RNF169: variants seen among roughly 807,000 people sequenced by gnomAD.
The protein encoded by RNF169 is E3 ubiquitin-protein ligase RNF169.
A neutral mutation model predicts 53.9 loss-of-function variants in RNF169; 24 were observed. The ratio of observed to expected loss-of-function variants is 0.45; its 90% CI spans 0.32 to 0.63. The LOEUF (loss-of-function observed/expected upper bound fraction) is 0.63, where lower values mean the gene tolerates loss of function less well. Among genes scored for constraint, RNF169 ranks in the 20% least tolerant of loss-of-function variants. RNF169 has a pLI of 0.04. For synonymous variants in RNF169, 396 were observed against 363.5 expected (o/e 1.09, Z -1.02); for missense variants, 883 against 906.2 (o/e 0.97, Z 0.33).
chr11:74,796,108 G>A (rs560365910), intron 2 of RNF169, among the ~76,000 whole-genome samples: 34 of 152,206 alleles, frequency 2.2e-4, no homozygotes, highest in African/African-American at 7.7e-4. Flanking sequence ...TATGTTTTCC[G>A]TGATTTCTTG....
chr11:74,781,622 T>C (rs517939), intron 1 of RNF169, among the ~76,000 whole-genome samples: 27,311 of 152,234 alleles, frequency 0.18, 2,712 homozygotes, highest in South Asian at 0.38. Context: ...ATGAAACTTT[T>C]TGTTCTTTAC....
intron 5 of RNF169, among the ~76,000 whole-genome samples, chr11:74,835,155 T>A (rs928068030): frequency 1.3e-5 from 2 of 152,168 alleles, no homozygotes; most frequent in East Asian, 3.9e-4. Context: ...GGGGAATTTT[T>A]AAATTTTTTT....
chr11:74,817,512 G>A (rs2035954240), intron 3 of RNF169, 84 bp from the exon 4 acceptor site: 1 of 815,788 alleles, frequency 1.2e-6, no homozygotes, highest in East Asian at 2.5e-5. Flanking sequence ...AAGCGACATA[G>A]AGAAAGAGAT....
At chr11:74,759,788 C>T (rs945298675) in intron 1 of RNF169, among the ~76,000 whole-genome samples, 67 of 150,890 alleles carry the variant, frequency 4.4e-4, no homozygotes, top group South Asian at 1.0e-3. Context: ...GGTTGTGTCT[C>T]TGCCCGGCTT....
At chr11:74,795,943 G>A (rs2035643311) in intron 2 of RNF169, among the ~76,000 whole-genome samples, 1 of 152,108 alleles carries the variant, frequency 6.6e-6, no homozygotes, top group Non-Finnish European at 1.5e-5. Flanking sequence ...TTACTCTCTC[G>A]ACAACAGTAT....
Position 74,787,558 on chromosome 11 carries a change from C to T in RNF169, c.503-2068C>T, listed in dbSNP as rs973811300. On this transcript the variant is annotated intron_variant, in intron 1 of 5. Transcript: ENST00000299563. ...CTTAAGGCAGAGGGATCTCTTGAGG[C>T]TGGGAGTTTGAGGCCATAGGTCACT... is the stretch of plus-strand genomic sequence containing the variant. 1.1e-3 allele frequency among the ~76,000 whole-genome samples: 169 copies of T among 152,224 alleles called. 1 individual carries two copies. The highest frequency in any genetic ancestry group is 3.7e-3 in the African/African-American group (154 of 41,546).
At chr11:74,770,618 T>C (rs945590597) in intron 1 of RNF169, among the ~76,000 whole-genome samples, 15 of 152,188 alleles carry the variant, frequency 9.9e-5, no homozygotes, top group Non-Finnish European at 1.9e-4. Flanking sequence ...TTATTTCCTG[T>C]GTTACACAGT....
intron 4 of RNF169, chr11:74,832,430 T>C (rs941346836): frequency 2.6e-5 from 4 of 152,164 alleles, no homozygotes; most frequent in African/African-American, 9.7e-5. Context: ...CATTTGTGTA[T>C]CTGATAACGT....
chr11:74,808,472 G>A (rs919580720), intron 2 of RNF169, among the ~76,000 whole-genome samples: 1 of 152,210 alleles, frequency 6.6e-6, no homozygotes, highest in Non-Finnish European at 1.5e-5. Flanking sequence ...CTTGCCGAAT[G>A]TTCTGGCAAG....
chr11:74,797,501 G>C (rs2035666512), intron 2 of RNF169, among the ~76,000 whole-genome samples: 1 of 152,098 alleles, frequency 6.6e-6, no homozygotes, highest in Admixed American at 6.5e-5. Flanking sequence ...AATCTTTCAA[G>C]ATAGATCTGT....
rs1443343897 is a variant in RNF169, at chr11:74,821,387, G to A, written c.842+3673G>A. On this transcript the variant is annotated intron_variant, in intron 4 of 5. Transcript: ENST00000299563. ...AAGAATACAAGTGCGGGCCGGGCGCGGTGGCTCACGCCTGTAATCCCAGCA... is the reference window on the plus strand; with the variant it reads ...AAGAATACAAGTGCGGGCCGGGCGCAGTGGCTCACGCCTGTAATCCCAGCA... Among the ~76,000 whole-genome samples, 5 of 68,994 alleles carry A rather than the reference G, an allele frequency of 7.2e-5. 1 individual carries two copies. The highest frequency in any genetic ancestry group is 1.5e-4 in the African/African-American group (1 of 6,506). 45.3% of individuals were successfully genotyped at this position (68,994 alleles called of 152,430 possible).
chr11:74,779,618 A>G (rs538305681), intron 1 of RNF169, among the ~76,000 whole-genome samples: 46 of 152,084 alleles, frequency 3.0e-4, no homozygotes, highest in African/African-American at 1.0e-3. Context: ...TTTTATTTTT[A>G]TTTTATTTTA....
At chr11:74,818,091 T>C (rs1009826588) in intron 4 of RNF169, among the ~76,000 whole-genome samples, 9 of 152,210 alleles carry the variant, frequency 5.9e-5, no homozygotes, top group African/African-American at 2.2e-4. Context: ...ACCTAAAATA[T>C]ATCTTTATAG....
chr11:74,785,467 C>A (rs1269558657), intron 1 of RNF169, among the ~76,000 whole-genome samples: 34 of 147,872 alleles, frequency 2.3e-4, no homozygotes, highest in Non-Finnish European at 4.2e-4. Flanking sequence ...TTTTTTTTTT[C>A]CTTCTTAGCA....
intron 1 of RNF169, among the ~76,000 whole-genome samples, chr11:74,785,231 T>TTA (rs1215009808): frequency 1.8e-4 from 16 of 87,024 alleles, no homozygotes; most frequent in African/African-American, 1.1e-3. Flanking sequence ...GTTATATATA[T>TTA]TATATATATG....
intron 3 of RNF169, among the ~76,000 whole-genome samples, chr11:74,815,680 T>C (rs2035933826): frequency 6.6e-6 from 1 of 152,258 alleles, no homozygotes; most frequent in Non-Finnish European, 1.5e-5. Context: ...TTAGTTAATG[T>C]ACGCTAGGTA....
chr11:74,759,825 C>A (rs1479640763), intron 1 of RNF169, among the ~76,000 whole-genome samples: 7 of 151,834 alleles, frequency 4.6e-5, no homozygotes, highest in East Asian at 1.9e-4. Context: ...CTGGCCTCAT[C>A]AAATGAGTTA....
At chr11:74,780,742 G>C (rs1434582928) in intron 1 of RNF169, among the ~76,000 whole-genome samples, 1 of 152,210 alleles carries the variant, frequency 6.6e-6, no homozygotes, top group African/African-American at 2.4e-5. Context: ...AGAATAACTA[G>C]AAAAGCTTGA....
At chr11:74,772,793 A>G (rs187334204) in intron 1 of RNF169, among the ~76,000 whole-genome samples, 144 of 152,300 alleles carry the variant, frequency 9.5e-4, no homozygotes, top group Middle Eastern at 6.8e-3. Flanking sequence ...TTTTAAAGGA[A>G]TAGAATAGAT....
Sources: gnomAD v4.1 joint callset for allele counts (sites outside exome capture counted in the v4.1 genomes callset) on GRCh38, gnomAD v4.1.1 for gene constraint, MANE v1.5 for transcripts, NCBI Gene and HGNC (gene_info 2026-07-23, HGNC 2026-07-21) for gene names.